The following ZC3H8 variants were observed in gnomAD, a reference collection of about 807,000 sequenced individuals.
ZC3H8 encodes the protein zinc finger CCCH domain-containing protein 8.
ZC3H8 carries 27 observed loss-of-function variants against 42.5 expected under a neutral mutation model. The ratio of observed to expected loss-of-function variants is 0.64; its 90% CI spans 0.47 to 0.88. The LOEUF is 0.88. Among genes scored for constraint, ZC3H8 ranks in the 40% least tolerant of loss-of-function variants. The pLI is 0.00. For synonymous variants in ZC3H8, 101 were observed against 110.1 expected (o/e 0.92, Z 0.52); for missense variants, 277 against 336.1 (o/e 0.82, Z 1.37).
chr2:112,228,861 T>C (rs1043403211), intron 8 of ZC3H8, among the ~76,000 whole-genome samples: 6 of 150,984 alleles, frequency 4.0e-5, no homozygotes, highest in African/African-American at 1.5e-4. Flanking sequence ...CCAACATACG[T>C]AAAGAACTCC....
Position 112,224,717 on chromosome 2 carries a change from A to G in ZC3H8, c.*15+6186T>C, listed in dbSNP as rs576742551. 9.2e-5 allele frequency among the ~76,000 whole-genome samples: 14 copies of G among 152,362 alleles called. 1 individual carries two copies. The highest frequency in any genetic ancestry group is 1.7e-4 in the African/African-American group (7 of 41,584). ...AACACCATACTGAGCAAAAGACACA[A>G]GAGTGTAGACTATATAATTCTGCTT... On this transcript the variant is annotated intron_variant, in intron 8 of 8. Transcript: ENST00000409573.
At chr2:112,230,994 G>T in intron 7 of ZC3H8, 44 bp from the exon 8 acceptor site, 1 of 1,138,776 alleles carries the variant, frequency 8.8e-7, no homozygotes, top group Middle Eastern at 3.0e-4. Context: ...ATGCATTCAT[G>T]TGTAATTCAG....
intron 8 of ZC3H8, among the ~76,000 whole-genome samples, chr2:112,218,361 A>G (rs1028652001): frequency 4.6e-5 from 7 of 152,184 alleles, no homozygotes; most frequent in African/African-American, 1.7e-4. Flanking sequence ...CTTCTAGTGG[A>G]AATGCCTCTA....
chr2:112,226,918 T>C, intron 8 of ZC3H8, among the ~76,000 whole-genome samples: 1 of 152,144 alleles, frequency 6.6e-6, no homozygotes, highest in Non-Finnish European at 1.5e-5. Context: ...ACAACTAATA[T>C]ATCATGTGAA....
chr2:112,218,620 T>C (rs149555463), intron 8 of ZC3H8, among the ~76,000 whole-genome samples: 7 of 152,304 alleles, frequency 4.6e-5, no homozygotes, highest in South Asian at 2.1e-4. Context: ...TCCACTTATA[T>C]ATAGATTTCA....
In ZC3H8 at chr2:112,250,980, C is replaced by A. The variant is rs539117806; in HGVS notation, c.75-708G>T. 3.7e-4 allele frequency among the ~76,000 whole-genome samples: 56 copies of A among 152,070 alleles called. No individual in the cohort carries two copies. In the South Asian group the frequency reaches 0.011, roughly 30 times the overall value. On this transcript the variant is annotated intron_variant, in intron 1 of 8. Coordinates refer to ENST00000409573, the MANE Select transcript of ZC3H8 (RefSeq NM_032494.3). ...AGACAATTACTTGAGGCTATTCCAGCAAAACTAAATATGAACCCAAGAGGG... is the reference window on the plus strand; with the variant it reads ...AGACAATTACTTGAGGCTATTCCAGAAAAACTAAATATGAACCCAAGAGGG...
At chr2:112,246,093 C>T (rs1685753338) in intron 2 of ZC3H8, among the ~76,000 whole-genome samples, 1 of 152,082 alleles carries the variant, frequency 6.6e-6, no homozygotes, top group African/African-American at 2.4e-5. Context: ...GCAACAGAGC[C>T]CAGATGGCAG....
At chr2:112,249,587 G>C (rs964060733) in intron 2 of ZC3H8, among the ~76,000 whole-genome samples, 1 of 152,148 alleles carries the variant, frequency 6.6e-6, no homozygotes, top group African/African-American at 2.4e-5. Context: ...GGGACTACAG[G>C]TGCATGCCAC....
At chr2:112,217,335 T>G (rs529580115) in intron 8 of ZC3H8, among the ~76,000 whole-genome samples, 2 of 152,288 alleles carry the variant, frequency 1.3e-5, no homozygotes, top group East Asian at 3.9e-4. Context: ...ATCGTGCCAC[T>G]TCATTCAAGC....
At chr2:112,232,035 C>A (rs1389520151) in intron 6 of ZC3H8, 88 bp from the exon 7 acceptor site, 3 of 746,572 alleles carry the variant, frequency 4.0e-6, no homozygotes, top group Non-Finnish European at 5.9e-6. Flanking sequence ...TAAATAAAGA[C>A]CTCTGTGGCC....
intron 1 of ZC3H8, among the ~76,000 whole-genome samples, chr2:112,252,998 G>A (rs1267759895): frequency 1.3e-5 from 2 of 152,080 alleles, no homozygotes; most frequent in African/African-American, 4.8e-5. Flanking sequence ...GTCGGGCGTG[G>A]TGGCAGGCGC....
chr2:112,238,926 T>G (rs1462132955), intron 2 of ZC3H8, among the ~76,000 whole-genome samples: 1 of 152,228 alleles, frequency 6.6e-6, no homozygotes, highest in Non-Finnish European at 1.5e-5. Context: ...TTTAAATGTC[T>G]TCAATAATTT....
intron 2 of ZC3H8, among the ~76,000 whole-genome samples, chr2:112,241,447 C>G (rs184026131): frequency 6.9e-4 from 105 of 152,304 alleles, no homozygotes; most frequent in African/African-American, 2.2e-3. Flanking sequence ...AGACCCCCCC[C>G]TCAAGGGCCT....
chr2:112,237,950 T>A (rs931486946), intron 3 of ZC3H8, among the ~76,000 whole-genome samples: 1 of 152,186 alleles, frequency 6.6e-6, no homozygotes, highest in Non-Finnish European at 1.5e-5. Flanking sequence ...TATTTCTGAG[T>A]TACAGTCTGA....
chr2:112,250,190 CT>C lies in ZC3H8; in HGVS notation c.156del (p.Lys52AsnfsTer67). ...TTAAACAGTGGTCAACTTAATCTTA[CT>C]TTTTTGGGAATTTGCTCGCACTCCA... ...IKLECEQIPK[K>X]FRHSAISPKS... On this transcript the variant is annotated frameshift_variant and splice_region_variant, in exon 2 of 9. Coordinates refer to ENST00000409573, the MANE Select transcript of ZC3H8 (RefSeq NM_032494.3). LOFTEE classifies it high-confidence loss of function. 1 of 1,562,548 alleles carries C rather than the reference CT, an allele frequency of 6.4e-7. No individual in the cohort carries two copies. Among genetic ancestry groups the C allele is most frequent in the Non-Finnish European group, 8.7e-7 (1 of 1,152,176 alleles).
Position 112,212,122 on chromosome 2 carries a change from G to T in ZC3H8, c.*4362C>A, listed in dbSNP as rs1684158109. ...CAAGGTGCTGGTATATTAGTGTGTGGTGAGGGCCTGCTTCCTGCTTTGTAG... is the reference window on the plus strand; with the variant it reads ...CAAGGTGCTGGTATATTAGTGTGTGTTGAGGGCCTGCTTCCTGCTTTGTAG... On this transcript the variant is annotated 3_prime_UTR_variant, in exon 9 of 9. Coordinates refer to ENST00000409573, the MANE Select transcript of ZC3H8 (RefSeq NM_032494.3). 1.3e-5 allele frequency: 2 copies of T among 152,280 alleles called. No homozygotes were observed. Among genetic ancestry groups the T allele is most frequent in the African/African-American group, 4.8e-5 (2 of 41,446 alleles). 9.4% of individuals were successfully genotyped at this position (152,280 alleles called of 1,614,324 possible). A position where few individuals can be genotyped will look rare whatever the true frequency, so the allele number is the denominator to read the frequency against.
Position 112,236,458 on chromosome 2 carries a change from C to T in ZC3H8, c.504+104G>A. The stretch of plus-strand genomic sequence containing the variant: ...ATCCGAAAACCGATTCTGTGGGATG[C>T]TTCCACCTCTCCATATCACATAGCA... On this transcript the variant is annotated intron_variant, in intron 4 of 8. Coordinates refer to ENST00000409573, the MANE Select transcript of ZC3H8 (RefSeq NM_032494.3). The T allele has an allele frequency of 2.1e-6, 3 of 1,457,390 alleles. 1 individual carries two copies. In the South Asian group the frequency reaches 4.1e-5, roughly 20 times the overall value. The allele number at this position is 1,457,390 out of a possible 1,614,324, so 90.3% of individuals were successfully genotyped here. A position where few individuals can be genotyped will look rare whatever the true frequency, so the allele number is the denominator to read the frequency against.
At chr2:112,227,640 CAAG>C (rs1684902534) in intron 8 of ZC3H8, among the ~76,000 whole-genome samples, 1 of 152,148 alleles carries the variant, frequency 6.6e-6, no homozygotes, top group Admixed American at 6.5e-5. Flanking sequence ...TCTTGGGAAA[CAAG>C]ATCAATAACA....
At chr2:112,218,594 G>A (rs768608462) in intron 8 of ZC3H8, among the ~76,000 whole-genome samples, 41 of 152,130 alleles carry the variant, frequency 2.7e-4, no homozygotes, top group Non-Finnish European at 3.7e-4. Context: ...AACAACACAA[G>A]TTTGAACTGT....
Sources: allele counts gnomAD v4.1 joint callset (sites outside exome capture counted in the v4.1 genomes callset), GRCh38; gene constraint gnomAD v4.1.1; transcripts MANE v1.5; gene names NCBI Gene and HGNC (gene_info 2026-07-23, HGNC 2026-07-21).